The following RTN4 variants were observed in gnomAD, a reference collection of about 807,000 sequenced individuals.
RTN4 encodes the protein reticulon 4.
RTN4 carries 32 observed loss-of-function variants against 90.4 expected under a neutral mutation model. That is an observed-to-expected ratio of 0.35 (90% CI 0.27 to 0.48). The LOEUF (loss-of-function observed/expected upper bound fraction) is 0.48. Among genes scored for constraint, RTN4 ranks in the 20% least tolerant of loss-of-function variants. RTN4 has a pLI of 0.99. For synonymous variants in RTN4, 629 were observed against 552.5 expected (o/e 1.14, Z -1.94); for missense variants, 1,706 against 1,430.2 (o/e 1.19, Z -3.11).
chr2:55,116,091 C>CTTTTTTTTTTTTTTTTTTTTTTTTTTT (rs5831339), upstream of RTN4, among the ~76,000 whole-genome samples: 1 of 105,474 alleles, frequency 9.5e-6, no homozygotes, highest in Non-Finnish European at 1.8e-5. Context: ...GGGGACTAGT[C>CTTTTTTTTTTTTTTTTTTTTTTTTTTT]TTTTTTTTTT....
chr2:54,980,521 G>GA (rs1379382512), intron 5 of RTN4, among the ~76,000 whole-genome samples: 1 of 152,188 alleles, frequency 6.6e-6, no homozygotes, highest in Non-Finnish European at 1.5e-5. Context: ...TTTCTCTCAA[G>GA]AAAAATGTTA....
the RTN4 span, among the ~76,000 whole-genome samples, chr2:55,137,787 C>T: frequency 6.6e-6 from 1 of 152,166 alleles, no homozygotes; most frequent in Non-Finnish European, 1.5e-5. Flanking sequence ...GGGCACAAAG[C>T]TCTGGGCAAG....
At chr2:55,121,863 C>T in the RTN4 span, among the ~76,000 whole-genome samples, 8 of 152,110 alleles carry the variant, frequency 5.3e-5, no homozygotes, top group African/African-American at 1.7e-4. Flanking sequence ...TCATGTTACT[C>T]ACTGTACTTT....
At chr2:55,052,649 A>G (rs1017586137), upstream of RTN4, among the ~76,000 whole-genome samples, 1 of 152,230 alleles carries the variant, frequency 6.6e-6, no homozygotes, top group Non-Finnish European at 1.5e-5. Flanking sequence ...ACAAATTTCT[A>G]CAATGGTGAC....
At chr2:55,029,171 G>A (rs1682124004) in intron 1 of RTN4, among the ~76,000 whole-genome samples, 1 of 152,162 alleles carries the variant, frequency 6.6e-6, no homozygotes, top group Admixed American at 6.5e-5. Flanking sequence ...TGTGCACACA[G>A]TGAGATGGTG....
the RTN4 span, among the ~76,000 whole-genome samples, chr2:55,124,639 G>A: frequency 6.6e-6 from 1 of 152,104 alleles, no homozygotes; most frequent in Non-Finnish European, 1.5e-5. Context: ...GGCTATACTG[G>A]CCATAGCAAT....
At chr2:55,076,900 G>A (rs1479779457) in intron 2 of RTN4, among the ~76,000 whole-genome samples, 1 of 152,024 alleles carries the variant, frequency 6.6e-6, no homozygotes, top group Non-Finnish European at 1.5e-5. Context: ...AAAAGGACAT[G>A]TTTGCCTCCC....
chr2:54,999,640 T>C (rs1679710126), intron 3 of RTN4, among the ~76,000 whole-genome samples: 2 of 152,124 alleles, frequency 1.3e-5, no homozygotes, highest in Non-Finnish European at 2.9e-5. Context: ...AATATATAAA[T>C]ATTAGAACGG....
Position 54,982,508 on chromosome 2 carries a change from A to G in RTN4, c.3360+7T>C. ...TATATCAAAAATGAAAGGCAAAATAAACTTACCTTCAGAGAATCAACTAAA... is the reference window on the plus strand; with the variant it reads ...TATATCAAAAATGAAAGGCAAAATAGACTTACCTTCAGAGAATCAACTAAA... On this transcript the variant is annotated splice_region_variant and intron_variant, in intron 5 of 8. Coordinates refer to ENST00000337526, the MANE Select transcript of RTN4 (RefSeq NM_020532.5). 1 of 1,604,660 alleles carries G rather than the reference A, an allele frequency of 6.2e-7. No homozygotes were observed. Among genetic ancestry groups the G allele is most frequent in the Non-Finnish European group, 8.5e-7 (1 of 1,177,320 alleles).
At chr2:54,996,725 C>A (rs1326260767) in intron 3 of RTN4, among the ~76,000 whole-genome samples, 1 of 152,132 alleles carries the variant, frequency 6.6e-6, no homozygotes, top group Non-Finnish European at 1.5e-5. Context: ...AGAGCTTAAA[C>A]TAGAAAACTC....
chr2:55,027,019 C>T lies in RTN4; in HGVS notation c.1080G>A (p.Val360=), dbSNP rs1681944548. The T allele has an allele frequency of 4.3e-6, 7 of 1,613,560 alleles. No homozygotes were observed. The South Asian group carries it at 4.4e-5, about 10-fold the overall frequency. The part of the protein sequence containing the change: ...LTKLVKEDEV[V]SSEKAKDSFN... ...AACTGTCTTTTGCTTTTTCTGAAGA[C>T]ACAACTTCATCCTCTTTAACCAATT... Residue 360 remains valine, a synonymous_variant, in exon 3 of 9, where the codon GTG becomes GTA. Transcript: ENST00000337526.
At chr2:54,995,585 G>A (rs1385370585) in intron 3 of RTN4, among the ~76,000 whole-genome samples, 2 of 151,886 alleles carry the variant, frequency 1.3e-5, no homozygotes, top group Admixed American at 6.6e-5. Context: ...TCATTCATTC[G>A]TTCATTCATT....
chr2:55,013,783 G>A (rs1680827534), intron 3 of RTN4, among the ~76,000 whole-genome samples: 1 of 152,028 alleles, frequency 6.6e-6, no homozygotes, highest in African/African-American at 2.4e-5. Context: ...CTCTACTTCT[G>A]CACCCAGGAA....
chr2:55,116,091 CTT>C (rs5831339), upstream of RTN4, among the ~76,000 whole-genome samples: 155 of 105,422 alleles, frequency 1.5e-3, no homozygotes, highest in African/African-American at 4.8e-3. Context: ...GGGGACTAGT[CTT>C]TTTTTTTTTT....
At chr2:55,078,765 T>A (rs926445235) in intron 2 of RTN4, among the ~76,000 whole-genome samples, 2 of 152,134 alleles carry the variant, frequency 1.3e-5, no homozygotes, top group Non-Finnish European at 2.9e-5. Context: ...CTGATTGGGA[T>A]CATGGAAAGA....
chr2:55,113,005 G>A (rs766779728), upstream of RTN4, among the ~76,000 whole-genome samples: 8 of 152,190 alleles, frequency 5.3e-5, no homozygotes, highest in Non-Finnish European at 1.0e-4. Context: ...CAAGATCAAC[G>A]TGAGCAACTG....
At chr2:55,000,385 C>A (rs549572841) in intron 3 of RTN4, among the ~76,000 whole-genome samples, 2 of 152,262 alleles carry the variant, frequency 1.3e-5, no homozygotes, top group East Asian at 3.9e-4. Flanking sequence ...TCCACTAAAT[C>A]TTTCCTGTCT....
intron 4 of RTN4, among the ~76,000 whole-genome samples, chr2:54,984,884 T>A (rs189020058): frequency 6.6e-6 from 1 of 152,146 alleles, no homozygotes; most frequent in Non-Finnish European, 1.5e-5. Flanking sequence ...GGCAGGAGGA[T>A]TGCTTGAGTC....
chr2:55,036,125 C>G (rs1231424931), intron 1 of RTN4, among the ~76,000 whole-genome samples: 1 of 151,952 alleles, frequency 6.6e-6, no homozygotes. Context: ...GCATTAATAC[C>G]AAAACCAGAC....
Sources: gnomAD v4.1 joint callset for allele counts (sites outside exome capture counted in the v4.1 genomes callset) on GRCh38, gnomAD v4.1.1 for gene constraint, MANE v1.5 for transcripts, NCBI Gene and HGNC (gene_info 2026-07-23, HGNC 2026-07-21) for gene names.